Variants in LRP1B observed in about 807,000 individuals in gnomAD.
LRP1B encodes the protein low-density lipoprotein receptor-related protein 1B.
Under a neutral mutation model 556.6 loss-of-function variants are expected in LRP1B, and 217 were observed. The ratio of observed to expected loss-of-function variants is 0.39; its 90% confidence interval spans 0.35 to 0.44. LRP1B has a LOEUF of 0.44. Ranked by LOEUF, LRP1B falls within the 20% of genes least tolerant of loss-of-function variation. LRP1B has a pLI of 1.00. For synonymous variants in LRP1B, 2,047 were observed against 1,865.8 expected, an observed-to-expected ratio of 1.10 and a Z score of -2.50; for missense variants, 5,053 against 5,620.8, an observed-to-expected ratio of 0.90 and a Z score of 3.23.
intron 1 of LRP1B, among the ~76,000 whole-genome samples, chr2:141,913,061 T>G (rs1699945318): frequency 6.6e-6 from 1 of 152,154 alleles, no homozygotes; most frequent in Admixed American, 6.5e-5. Flanking sequence ...CTGAAGAGGG[T>G]AGAGGTAATG....
At chr2:140,868,682 C>T (rs1378881256) in intron 25 of LRP1B, among the ~76,000 whole-genome samples, 2 of 151,768 alleles carry the variant, frequency 1.3e-5, no homozygotes, top group African/African-American at 2.4e-5. Flanking sequence ...AGAAATAAGG[C>T]CAATGTATTA....
intron 66 of LRP1B, among the ~76,000 whole-genome samples, chr2:140,404,414 C>G (rs187783434): frequency 1.3e-5 from 2 of 151,760 alleles, no homozygotes; most frequent in Non-Finnish European, 2.9e-5. Context: ...CCTCATGATC[C>G]GCCCACTTCG....
intron 2 of LRP1B, among the ~76,000 whole-genome samples, chr2:141,605,681 G>C (rs1687892683): frequency 6.6e-6 from 1 of 152,160 alleles, no homozygotes; most frequent in Non-Finnish European, 1.5e-5. Context: ...ATTTTCTGCT[G>C]CTGTTACTGC....
intron 37 of LRP1B, among the ~76,000 whole-genome samples, chr2:140,708,415 T>C (rs1686915677): frequency 6.6e-6 from 1 of 151,864 alleles, no homozygotes; most frequent in Admixed American, 6.6e-5. Context: ...ATTGTAGTTT[T>C]GAGTAATTAT....
intron 1 of LRP1B, among the ~76,000 whole-genome samples, chr2:142,121,495 C>G (rs546890670): frequency 1.3e-5 from 2 of 152,154 alleles, no homozygotes; most frequent in East Asian, 3.9e-4. Flanking sequence ...TTTAAAATAC[C>G]AAAATCACAA....
chr2:141,338,351 G>A (rs1687925943), intron 3 of LRP1B, among the ~76,000 whole-genome samples: 1 of 152,120 alleles, frequency 6.6e-6, no homozygotes, highest in South Asian at 2.1e-4. Flanking sequence ...TTGAGACTCA[G>A]GAGTACCCTT....
At chr2:140,535,931 C>G (rs1690941005) in intron 46 of LRP1B, among the ~76,000 whole-genome samples, 1 of 152,010 alleles carries the variant, frequency 6.6e-6, no homozygotes, top group Admixed American at 6.6e-5. Flanking sequence ...GGACACTAGC[C>G]CCCATGCTAA....
chr2:140,580,449 G>T (rs138525034), intron 43 of LRP1B, among the ~76,000 whole-genome samples: 250 of 152,188 alleles, frequency 1.6e-3, no homozygotes, highest in African/African-American at 5.6e-3. Flanking sequence ...TTTTAACCAC[G>T]AAATAAAAAG....
chr2:141,095,650 T>G, intron 7 of LRP1B, among the ~76,000 whole-genome samples: 1 of 152,200 alleles, frequency 6.6e-6, no homozygotes, highest in Admixed American at 6.5e-5. Flanking sequence ...ATTATTTTTT[T>G]ATATATATCC....
chr2:141,065,330 C>T (rs1031954468), intron 7 of LRP1B, among the ~76,000 whole-genome samples: 5 of 151,914 alleles, frequency 3.3e-5, no homozygotes, highest in Non-Finnish European at 5.9e-5. Context: ...CACAGTATAT[C>T]TCTCATAATC....
At chr2:141,904,866 T>C (rs1450387723) in intron 1 of LRP1B, among the ~76,000 whole-genome samples, 1 of 151,906 alleles carries the variant, frequency 6.6e-6, no homozygotes, top group Non-Finnish European at 1.5e-5. Context: ...CTGTTTTAAT[T>C]GCGGCTGACA....
At chr2:141,629,480 C>A (rs1202010692) in intron 2 of LRP1B, among the ~76,000 whole-genome samples, 2 of 152,010 alleles carry the variant, frequency 1.3e-5, no homozygotes, top group South Asian at 2.1e-4. Flanking sequence ...GTATCCTGAC[C>A]CTTGCACAAA....
intron 35 of LRP1B, among the ~76,000 whole-genome samples, chr2:140,740,741 G>C (rs1688108299): frequency 6.6e-6 from 1 of 152,158 alleles, no homozygotes; most frequent in Non-Finnish European, 1.5e-5. Context: ...CCAACATTCT[G>C]AGGCCTCGAT....
intron 6 of LRP1B, among the ~76,000 whole-genome samples, chr2:141,197,775 C>T (rs1450397138): frequency 1.3e-5 from 2 of 151,958 alleles, no homozygotes; most frequent in Non-Finnish European, 1.5e-5. Flanking sequence ...AGAAACTCAC[C>T]ACCTTTCTTT....
intron 66 of LRP1B, among the ~76,000 whole-genome samples, chr2:140,392,491 AC>A (rs1684065651): frequency 6.6e-6 from 1 of 150,692 alleles, no homozygotes; most frequent in African/African-American, 2.4e-5. Context: ...AAAGAATGCA[AC>A]CTTTTTTTTT....
At chr2:141,909,517 G>A (rs1339798942) in intron 1 of LRP1B, among the ~76,000 whole-genome samples, 1 of 142,358 alleles carries the variant, frequency 7.0e-6, no homozygotes, top group Non-Finnish European at 1.5e-5. Context: ...TCAGACTAAG[G>A]TCTCAGACAT....
At chr2:142,018,896 T>TTGTCTG (rs1703239419) in intron 1 of LRP1B, among the ~76,000 whole-genome samples, 1 of 75,086 alleles carries the variant, frequency 1.3e-5, no homozygotes, top group Non-Finnish European at 3.3e-5. Context: ...TACATGTATA[T>TTGTCTG]TAATTGTCTG....
rs371402036 is a variant in LRP1B, at chr2:140,679,918, C to G, written c.6799+20332G>C. On this transcript the variant is annotated intron_variant, in intron 41 of 90. Coordinates refer to ENST00000389484, the MANE Select transcript of LRP1B (RefSeq NM_018557.3). Reference sequence around the variant, plus strand: ...TGAGGTTTGTTTATTTATTTATTTACTTTTTATTTAATTTACTTATTTATT... The same window carrying G: ...TGAGGTTTGTTTATTTATTTATTTAGTTTTTATTTAATTTACTTATTTATT... Among the ~76,000 whole-genome samples, 16 of 151,822 alleles carry G rather than the reference C, an allele frequency of 1.1e-4. No individual in the cohort carries two copies. The South Asian group carries it at 3.3e-3, about 32-fold the overall frequency.
At chr2:141,413,735 T>A (rs1690948435) in intron 3 of LRP1B, among the ~76,000 whole-genome samples, 1 of 150,666 alleles carries the variant, frequency 6.6e-6, no homozygotes, top group Non-Finnish European at 1.5e-5. Flanking sequence ...TGCAAAAAAA[T>A]TAGCTAGGCA....
Sources: allele counts gnomAD v4.1 joint callset (sites outside exome capture counted in the v4.1 genomes callset), GRCh38; gene constraint gnomAD v4.1.1; transcripts MANE v1.5; gene names NCBI Gene and HGNC (gene_info 2026-07-23, HGNC 2026-07-21).